The following NPIPB11 variants were observed in gnomAD, a reference collection of about 807,000 sequenced individuals.
The protein encoded by NPIPB11 is nuclear pore complex-interacting protein family member B11.
In NPIPB11, 17 loss-of-function variants were observed where a neutral mutation model predicts 32.8. The observed-to-expected ratio is 0.52, with a 90% CI of 0.35 to 0.78. The LOEUF is 0.78. Ranked by LOEUF, NPIPB11 falls within the 30% of genes least tolerant of loss-of-function variation. The probability of loss-of-function intolerance (pLI) is 0.01; values close to 1 mark genes in which losing one functional copy is unlikely to be tolerated. For synonymous variants in NPIPB11, 209 were observed against 398.4 expected (o/e 0.52, Z 5.66); for missense variants, 537 against 1,000.4 (o/e 0.54, Z 6.25).
chr16:29,394,429 C>CT (rs1248252716), intron 2 of NPIPB11, among the ~76,000 whole-genome samples: 4,786 of 122,328 alleles, frequency 0.039, 149 homozygotes, highest in Non-Finnish European at 0.055. Context: ...AAAAAAACCT[C>CT]TTTTTTTTTT....
chr16:29,388,989 G>A (rs937788776), intron 5 of NPIPB11, among the ~76,000 whole-genome samples: 1 of 145,972 alleles, frequency 6.9e-6, no homozygotes, highest in Admixed American at 7.0e-5. Flanking sequence ...GATGTCAGGA[G>A]TTCTAGACCA....
At chr16:29,391,234 T>A (rs1249702283) in intron 3 of NPIPB11, among the ~76,000 whole-genome samples, 2 of 124,982 alleles carry the variant, frequency 1.6e-5, no homozygotes, top group Admixed American at 1.7e-4. Flanking sequence ...ACCACTGCAC[T>A]CCAGCCTGGT....
intron 2 of NPIPB11, among the ~76,000 whole-genome samples, chr16:29,402,724 C>CTCTCTCTGTGTGTGTGTGTG (rs1449821025): frequency 2.5e-5 from 3 of 119,630 alleles, no homozygotes; most frequent in Non-Finnish European, 5.1e-5. Flanking sequence ...CTCTCTCTCT[C>CTCTCTCTGTGTGTGTGTGTG]TGTGTGTGTG....
chr16:29,405,611 G>A (rs1268829775), upstream of NPIPB11, among the ~76,000 whole-genome samples: 303 of 152,118 alleles, frequency 2.0e-3, no homozygotes, highest in African/African-American at 6.9e-3. Context: ...AATGTCACAC[G>A]GCTAGTAAGT....
intron 3 of NPIPB11, among the ~76,000 whole-genome samples, chr16:29,390,853 G>A (rs559253054): frequency 6.6e-6 from 1 of 151,042 alleles, no homozygotes; most frequent in Admixed American, 6.6e-5. Context: ...ATCCCAGCTA[G>A]TCGGGAGGTT....
chr16:29,382,974 T>G, exon 8 of NPIPB11: 2 of 1,578,550 alleles, frequency 1.3e-6, no homozygotes, highest in Non-Finnish European at 1.7e-6. Context: ...GAGCTGAGGG[T>G]GGAAGGGGAG....
At chr16:29,389,649 C>T (rs1472319456) in intron 5 of NPIPB11, among the ~76,000 whole-genome samples, 1 of 98,822 alleles carries the variant, frequency 1.0e-5, no homozygotes, top group Non-Finnish European at 1.8e-5. Flanking sequence ...TGGGCAACAA[C>T]AGCAAAGCTC....
At chr16:29,395,961 G>C (rs934661903) in intron 2 of NPIPB11, among the ~76,000 whole-genome samples, 9 of 150,906 alleles carry the variant, frequency 6.0e-5, no homozygotes, top group Admixed American at 1.3e-4. Flanking sequence ...CTGGGTGACA[G>C]AGCGAGACTC....
intron 2 of NPIPB11, among the ~76,000 whole-genome samples, chr16:29,400,908 C>T (rs909142275): frequency 6.6e-6 from 1 of 152,066 alleles, no homozygotes; most frequent in Non-Finnish European, 1.5e-5. Flanking sequence ...ACCCCCACTA[C>T]CCCCACTATC....
chr16:29,396,850 C>T (rs1237158239), intron 2 of NPIPB11, among the ~76,000 whole-genome samples: 9 of 150,266 alleles, frequency 6.0e-5, no homozygotes, highest in Admixed American at 1.3e-4. Context: ...AGTAAACTTA[C>T]ACTTAAGGTT....
chr16:29,392,735 GAAAA>G (rs1258995832), intron 3 of NPIPB11, among the ~76,000 whole-genome samples: 1 of 138,580 alleles, frequency 7.2e-6, no homozygotes, highest in African/African-American at 2.7e-5. Context: ...AAAAAAAAAA[GAAAA>G]AAGCTTCCTC....
At chr16:29,389,803 G>A (rs1963667778) in intron 5 of NPIPB11, 138 bp downstream of exon 5, 24 of 1,357,044 alleles carry the variant, frequency 1.8e-5, no homozygotes, top group Non-Finnish European at 2.3e-5. Context: ...AACTAATGAA[G>A]CAGAAAGGAC....
chr16:29,383,062 A>G lies in NPIPB11; in HGVS notation c.1870T>C (p.Tyr624His), dbSNP rs548760421. The change falls in exon 8 of 8, where the codon TAC becomes CAC. Residue 624 changes from tyrosine to histidine, a missense_variant. Transcript: ENST00000524087. ...CGGAACCCGCAGATGCTCAGCAGGT[A>G]TCTTGATATTATCATCTGCTGAGGG... 2.4e-4 allele frequency: 353 copies of G among 1,489,316 alleles called. 2 individuals are homozygous for G. Among genetic ancestry groups the G allele is most frequent in the African/African-American group, 8.3e-4 (50 of 60,120 alleles). The allele number at this position is 1,489,316 out of a possible 1,614,324, so 92.3% of individuals were successfully genotyped here.
At chr16:29,391,879 C>G (rs1161189756) in intron 3 of NPIPB11, among the ~76,000 whole-genome samples, 2 of 151,846 alleles carry the variant, frequency 1.3e-5, no homozygotes, top group Non-Finnish European at 2.9e-5. Context: ...TGCTACCATG[C>G]CTGGCTAATT....
chr16:29,382,335 A>T (rs1596670555), exon 8 of NPIPB11: 1 of 1,108,148 alleles, frequency 9.0e-7, no homozygotes, highest in Non-Finnish European at 1.3e-6. Flanking sequence ...CTGAGGGTGG[A>T]GCTGAGGGTG....
chr16:29,392,624 C>G (rs1382567174), intron 3 of NPIPB11, among the ~76,000 whole-genome samples: 3 of 151,288 alleles, frequency 2.0e-5, no homozygotes, highest in African/African-American at 7.3e-5. Flanking sequence ...GCAGGGGAAT[C>G]GCTTGAAGCC....
Position 29,399,852 on chromosome 16 carries a change from G to A in NPIPB11, c.120+3831C>T, listed in dbSNP as rs545866317. On this transcript the variant is annotated intron_variant, in intron 2 of 7. Transcript: ENST00000524087. ...CCAGCACTTTGGGAGGCTGAGGCAG[G>A]CGCATCACGAGGTTAGGAGTTCGAG... Among the ~76,000 whole-genome samples, 97 of 152,204 alleles carry A rather than the reference G, an allele frequency of 6.4e-4. 3 individuals are homozygous for A. Among genetic ancestry groups the A allele is most frequent in the African/African-American group, 2.0e-3 (85 of 41,506 alleles).
chr16:29,394,403 A>G (rs1236433366), intron 2 of NPIPB11, among the ~76,000 whole-genome samples: 2 of 146,128 alleles, frequency 1.4e-5, no homozygotes. Context: ...AACACTAACA[A>G]TAGCTGATGA....
chr16:29,392,456 A>G (rs926899926), intron 3 of NPIPB11, among the ~76,000 whole-genome samples: 3 of 149,678 alleles, frequency 2.0e-5, no homozygotes, highest in African/African-American at 7.4e-5. Context: ...CACGCTTGTA[A>G]TCCCAGCACT....
Sources: allele counts gnomAD v4.1 joint callset (sites outside exome capture counted in the v4.1 genomes callset), GRCh38; gene constraint gnomAD v4.1.1; transcripts MANE v1.5; gene names NCBI Gene and HGNC (gene_info 2026-07-23, HGNC 2026-07-21).